CD58: variants seen among roughly 807,000 people sequenced by gnomAD.
CD58 encodes the protein CD58 molecule.
CD58 carries 14 observed loss-of-function variants against 27.6 expected under a neutral mutation model. The observed-to-expected ratio is 0.51, with a 90% CI of 0.34 to 0.79. The LOEUF is 0.79. Ranked by LOEUF, CD58 falls within the 30% of genes least tolerant of loss-of-function variation. The pLI, the probability that CD58 is intolerant of heterozygous loss-of-function variation, is 0.02. For missense variants in CD58, 268 were observed against 301.7 expected (o/e 0.89, Z 0.83); for synonymous variants, 117 against 103.8 (o/e 1.13, Z -0.77).
intron 2 of CD58, among the ~76,000 whole-genome samples, chr1:116,539,250 T>C (rs1242372241): frequency 6.6e-6 from 1 of 152,058 alleles, no homozygotes; most frequent in Non-Finnish European, 1.5e-5. Flanking sequence ...GGAGGGTATG[T>C]GATATGATGA....
At chr1:116,533,780 C>T (rs775794329) in intron 3 of CD58, 22 of 725,508 alleles carry the variant, frequency 3.0e-5, no homozygotes, top group African/African-American at 2.4e-4. Flanking sequence ...TCTCTTCTCT[C>T]GTCAAAGAGA....
chr1:116,541,911 G>A lies in CD58; in HGVS notation c.364+2400C>T, dbSNP rs1557838229. On this transcript the variant is annotated intron_variant, in intron 2 of 5. Transcript: ENST00000369489. This position sits in a 1 kb window ranked among gnomAD's most constrained non-coding sequence, Gnocchi z 5.3. ...AGAGACCTAAGGCTTAAGCCTTGAT[G>A]TTTCCAGTGTTAAGAGGTTGGGGAA... Among the ~76,000 whole-genome samples, 1 of 152,214 alleles carries A rather than the reference G, an allele frequency of 6.6e-6. No individual in the cohort carries two copies. Among genetic ancestry groups the A allele is most frequent in the Non-Finnish European group, 1.5e-5 (1 of 68,038 alleles).
At position 116,526,293 on chromosome 1, in the gene CD58, T is replaced by C. The variant is rs994149807; in HGVS notation, c.629-4310A>G. ...TATCCAAAGTTATCTAGGTTTTCTC[T>C]TATGTTTTAGGAGTCTTATGGTTTT... On this transcript the variant is annotated intron_variant, in intron 3 of 5. Transcript: ENST00000369489. 8.5e-5 allele frequency among the ~76,000 whole-genome samples: 13 copies of C among 152,338 alleles called. 1 individual carries two copies. The highest frequency in any genetic ancestry group is 8.5e-4 in the Admixed American group (13 of 15,304).
At chr1:116,518,600 C>T (rs1416103480) in intron 5 of CD58, 3 of 874,462 alleles carry the variant, frequency 3.4e-6, no homozygotes, top group Non-Finnish European at 4.1e-6. Context: ...CCTTCACACC[C>T]TGGGCCTTAA....
At chr1:116,549,483 C>G (rs1658314494) in intron 1 of CD58, among the ~76,000 whole-genome samples, 1 of 152,122 alleles carries the variant, frequency 6.6e-6, no homozygotes, top group Non-Finnish European at 1.5e-5. Flanking sequence ...ACAGCCAGCC[C>G]TTGCAAGGCA....
chr1:116,519,630 T>C lies in CD58; in HGVS notation c.707-363A>G, dbSNP rs1657204384. ...TAATTTAAAATTTTTGGTATCCACATTACAAAGTAAAAAAAAATGTAAATT... is the reference window on the plus strand; with the variant it reads ...TAATTTAAAATTTTTGGTATCCACACTACAAAGTAAAAAAAAATGTAAATT... On this transcript the variant is annotated intron_variant, in intron 4 of 5. Coordinates refer to ENST00000369489, the MANE Select transcript of CD58 (RefSeq NM_001779.3). The surrounding 1 kb of genome is among the most constrained non-coding windows in gnomAD (Gnocchi z 4.7). Among the ~76,000 whole-genome samples the C allele has an allele frequency of 6.7e-6, 1 of 150,220 alleles. No homozygotes were observed. The highest frequency in any genetic ancestry group is 1.5e-5 in the Non-Finnish European group (1 of 67,776).
At chr1:116,535,840 CAAAAAAAAA>C (rs35445069) in intron 3 of CD58, 116 bp downstream of exon 3, 28 of 153,030 alleles carry the variant, frequency 1.8e-4, no homozygotes, top group African/African-American at 3.2e-4. Context: ...GACTCTGTCT[CAAAAAAAAA>C]AAAAAAAAAA....
intron 2 of CD58, among the ~76,000 whole-genome samples, chr1:116,543,399 G>A (rs1658056104): frequency 6.6e-6 from 1 of 152,014 alleles, no homozygotes; most frequent in Admixed American, 6.5e-5. Flanking sequence ...TTACAGGAGA[G>A]GCGATCAAGG....
At chr1:116,548,720 T>A (rs1050814650) in intron 1 of CD58, among the ~76,000 whole-genome samples, 2 of 150,722 alleles carry the variant, frequency 1.3e-5, no homozygotes, top group African/African-American at 4.8e-5. Context: ...GCCATGTTGT[T>A]CAAGGGTCAA....
At position 116,563,702 on chromosome 1, in the gene CD58, T is replaced by C. The variant is rs1355243880; in HGVS notation, c.70+7201A>G. 6.6e-6 allele frequency among the ~76,000 whole-genome samples: 1 copy of C among 152,166 alleles called. No homozygotes were observed. The highest frequency in any genetic ancestry group is 1.5e-5 in the Non-Finnish European group (1 of 68,028). On this transcript the variant is annotated intron_variant, in intron 1 of 5. Coordinates refer to ENST00000369489, the MANE Select transcript of CD58 (RefSeq NM_001779.3). The surrounding 1 kb of genome is among the most constrained non-coding windows in gnomAD (Gnocchi z 4.1). ...GGCCCCTTTTAGCCATGGCTGGAGC[T>C]AAAACAGCTGGCATGCAGGGCTCCA... is the stretch of plus-strand genomic sequence containing the variant.
At position 116,521,782 on chromosome 1, in the gene CD58, A is replaced by G; in HGVS notation, c.706+124T>C. 1 of 682,784 alleles carries G rather than the reference A, an allele frequency of 1.5e-6. No individual in the cohort carries two copies. Among genetic ancestry groups the G allele is most frequent in the Admixed American group, 2.5e-5 (1 of 39,716 alleles). 42.3% of individuals were successfully genotyped at this position (682,784 alleles called of 1,614,324 possible). The stretch of plus-strand genomic sequence containing the variant: ...CAGCAGTCCCACACACGTAAAGCAA[A>G]AAAGTTTTTGTTTCTTTTCAAATGT... On this transcript the variant is annotated intron_variant, in intron 4 of 5. Transcript: ENST00000369489. This position sits in a 1 kb window ranked among gnomAD's most constrained non-coding sequence, Gnocchi z 5.6.
Position 116,546,188 on chromosome 1 carries a change from C to G in CD58, c.71-1584G>C, listed in dbSNP as rs1658164102. On this transcript the variant is annotated intron_variant, in intron 1 of 5. Coordinates refer to ENST00000369489, the MANE Select transcript of CD58 (RefSeq NM_001779.3). This position sits in a 1 kb window ranked among gnomAD's most constrained non-coding sequence, Gnocchi z 4.1. ...CCTGTCTCAACAAACAAACAAAAAA[C>G]TGCAGCTATTTTAAGTTAACATTAA... 6.6e-6 allele frequency among the ~76,000 whole-genome samples: 1 copy of G among 152,144 alleles called. No homozygotes were observed.
rs1270482972 is a variant in CD58, at chr1:116,532,582, A to G, written c.628+3383T>C. Among the ~76,000 whole-genome samples the G allele has an allele frequency of 6.6e-6, 1 of 152,218 alleles. No homozygotes were observed. Among genetic ancestry groups the G allele is most frequent in the Non-Finnish European group, 1.5e-5 (1 of 68,036 alleles). ...TCTAGATCCCTGGAACCTCATCACC[A>G]GACCTCGGCCCTTTTAGCCAAGTGA... On this transcript the variant is annotated intron_variant, in intron 3 of 5. Coordinates refer to ENST00000369489, the MANE Select transcript of CD58 (RefSeq NM_001779.3). This position sits in a 1 kb window ranked among gnomAD's most constrained non-coding sequence, Gnocchi z 5.1.
chr1:116,543,850 G>A (rs1057194826), intron 2 of CD58, among the ~76,000 whole-genome samples: 3 of 152,170 alleles, frequency 2.0e-5, no homozygotes, highest in African/African-American at 4.8e-5. Context: ...TTGAACCTGG[G>A]AGGCAGAGGT....
intron 5 of CD58, chr1:116,518,906 C>G: frequency 9.4e-7 from 1 of 1,068,274 alleles, no homozygotes; most frequent in South Asian, 2.4e-5. Flanking sequence ...AAATCCCAGC[C>G]CATCACTTAC....
At chr1:116,568,024 A>G (rs1195558311) in intron 1 of CD58, among the ~76,000 whole-genome samples, 1 of 148,340 alleles carries the variant, frequency 6.7e-6, no homozygotes, top group African/African-American at 2.5e-5. Flanking sequence ...ACTAGCCCAG[A>G]CACTTCAAAA....
chr1:116,564,674 A>G (rs922460214), intron 1 of CD58, among the ~76,000 whole-genome samples: 4 of 152,224 alleles, frequency 2.6e-5, no homozygotes, highest in Non-Finnish European at 5.9e-5. Flanking sequence ...AGACTTATTC[A>G]CTATCTGAGA....
intron 1 of CD58, among the ~76,000 whole-genome samples, chr1:116,547,729 T>C (rs1256656866): frequency 1.3e-5 from 2 of 152,210 alleles, no homozygotes; most frequent in African/African-American, 4.8e-5. Flanking sequence ...TTCCATATTT[T>C]TGCAATTGCG....
At chr1:116,547,659 T>C (rs1391778098) in intron 1 of CD58, among the ~76,000 whole-genome samples, 4 of 152,152 alleles carry the variant, frequency 2.6e-5, no homozygotes, top group Non-Finnish European at 4.4e-5. Flanking sequence ...CATATTCATA[T>C]ATATATATAT....
Sources: gnomAD v4.1 joint callset for allele counts (sites outside exome capture counted in the v4.1 genomes callset) on GRCh38, gnomAD v4.1.1 for gene constraint, Gnocchi (gnomAD v3.1) non-coding constraint, MANE v1.5 for transcripts, NCBI Gene and HGNC (gene_info 2026-07-23, HGNC 2026-07-21) for gene names.